TASP1: variants seen among roughly 807,000 people sequenced by gnomAD.
TASP1 encodes threonine aspartase 1.
A neutral mutation model predicts 56.6 loss-of-function variants in TASP1; 16 were observed. The observed-to-expected ratio is 0.28, with a 90% CI of 0.19 to 0.43. The LOEUF (loss-of-function observed/expected upper bound fraction) is 0.43. Ranked by LOEUF, TASP1 falls within the 20% of genes least tolerant of loss-of-function variation. The probability of loss-of-function intolerance (pLI) is 1.00; values close to 1 mark genes in which losing one functional copy is unlikely to be tolerated. For missense variants in TASP1, 393 were observed against 511.6 expected, an observed-to-expected ratio of 0.77 and a Z score of 2.24; for synonymous variants, 179 against 184.2, an observed-to-expected ratio of 0.97 and a Z score of 0.23.
chr20:13,362,750 G>A, the TASP1 span, among the ~76,000 whole-genome samples: 4 of 147,756 alleles, frequency 2.7e-5, no homozygotes, highest in African/African-American at 1.0e-4. Flanking sequence ...AAACATCAGT[G>A]GTTGCCTAGA....
chr20:13,630,504 CA>C (rs1378964028), intron 1 of TASP1, among the ~76,000 whole-genome samples: 1 of 151,784 alleles, frequency 6.6e-6, no homozygotes, highest in Non-Finnish European at 1.5e-5. Flanking sequence ...GCCTGACCAA[CA>C]TGGTGAAACC....
At chr20:13,483,494 AATTTTAGTAAAGAG>A (rs1453015375) in intron 10 of TASP1, among the ~76,000 whole-genome samples, 157 bp from the exon 11 acceptor site, 1 of 152,214 alleles carries the variant, frequency 6.6e-6, no homozygotes, top group African/African-American at 2.4e-5. Flanking sequence ...GCAATCTGGT[AATTTTAGTAAAGAG>A]ATTCAGCAGA....
chr20:13,311,318 T>A, the TASP1 span, among the ~76,000 whole-genome samples: 1 of 152,060 alleles, frequency 6.6e-6, no homozygotes, highest in South Asian at 2.1e-4. Context: ...AAAGGAGAAC[T>A]CTTGTACACT....
chr20:13,620,799 A>G (rs1197054419), intron 4 of TASP1, among the ~76,000 whole-genome samples: 1 of 152,226 alleles, frequency 6.6e-6, no homozygotes, highest in African/African-American at 2.4e-5. Context: ...AAAGGACTCA[A>G]TACTGCTACT....
the TASP1 span, among the ~76,000 whole-genome samples, chr20:13,182,093 C>T: frequency 1.2e-3 from 184 of 152,298 alleles, 1 homozygote; most frequent in Middle Eastern, 6.8e-3. Flanking sequence ...CCAGATCTCA[C>T]CTGTGGGCTT....
the TASP1 span, among the ~76,000 whole-genome samples, chr20:13,156,248 A>G: frequency 6.6e-6 from 1 of 152,244 alleles, no homozygotes; most frequent in Non-Finnish European, 1.5e-5. Context: ...TTACAATGAC[A>G]GTAGGGAGTG....
chr20:13,263,202 T>C, the TASP1 span, among the ~76,000 whole-genome samples: 14 of 152,212 alleles, frequency 9.2e-5, no homozygotes, highest in Non-Finnish European at 1.5e-4. Flanking sequence ...AGGGGAATGA[T>C]TGCCATCATA....
chr20:13,247,033 A>C, the TASP1 span, among the ~76,000 whole-genome samples: 3 of 152,142 alleles, frequency 2.0e-5, no homozygotes, highest in African/African-American at 7.2e-5. Flanking sequence ...ATCAGGAGTT[A>C]GAGACCAGTC....
chr20:13,330,967 A>G, the TASP1 span, among the ~76,000 whole-genome samples: 3,801 of 151,912 alleles, frequency 0.025, 74 homozygotes, highest in Non-Finnish European at 0.042. Context: ...GGTTTAATGG[A>G]TTTGTTGTAT....
the TASP1 span, among the ~76,000 whole-genome samples, chr20:13,273,527 C>T: frequency 6.6e-6 from 1 of 152,110 alleles, no homozygotes; most frequent in African/African-American, 2.4e-5. Context: ...TGAGTCACTG[C>T]AACTGACCTG....
At chr20:13,567,097 TA>T (rs368931596) in intron 7 of TASP1, among the ~76,000 whole-genome samples, 1 of 151,896 alleles carries the variant, frequency 6.6e-6, no homozygotes, top group African/African-American at 2.4e-5. Flanking sequence ...TATGCAGCCA[TA>T]AAAAAGAGTA....
At chr20:13,284,877 G>C in the TASP1 span, among the ~76,000 whole-genome samples, 1 of 152,218 alleles carries the variant, frequency 6.6e-6, no homozygotes, top group Non-Finnish European at 1.5e-5. Flanking sequence ...TGTGGAGAAA[G>C]CCACTTACTG....
intron 11 of TASP1, among the ~76,000 whole-genome samples, chr20:13,466,786 C>T (rs983775200): frequency 1.8e-4 from 27 of 152,100 alleles, no homozygotes; most frequent in Admixed American, 1.4e-3. Flanking sequence ...TATTCTTCAT[C>T]AGAGACTGAA....
At chr20:13,557,893 C>CA (rs986780200) in intron 8 of TASP1, among the ~76,000 whole-genome samples, 31 of 151,940 alleles carry the variant, frequency 2.0e-4, no homozygotes, top group Admixed American at 1.7e-3. Context: ...TTTAAAAAGG[C>CA]AAAAAAGTCC....
chr20:13,294,613 G>A, the TASP1 span, among the ~76,000 whole-genome samples: 1 of 152,082 alleles, frequency 6.6e-6, no homozygotes, highest in Non-Finnish European at 1.5e-5. Flanking sequence ...GAAAGAACAT[G>A]GCACACTCAA....
At chr20:13,277,988 G>A in the TASP1 span, among the ~76,000 whole-genome samples, 1 of 152,172 alleles carries the variant, frequency 6.6e-6, no homozygotes, top group African/African-American at 2.4e-5. Context: ...GCACGCCCTG[G>A]TGCAATTTGG....
the TASP1 span, among the ~76,000 whole-genome samples, chr20:13,373,435 T>G: frequency 6.7e-6 from 1 of 149,676 alleles, no homozygotes; most frequent in Non-Finnish European, 1.5e-5. Flanking sequence ...AAGGCAGGTC[T>G]GATAGCAGCA....
chr20:13,173,417 G>A, the TASP1 span, among the ~76,000 whole-genome samples: 12 of 152,230 alleles, frequency 7.9e-5, no homozygotes, highest in South Asian at 1.5e-3. Flanking sequence ...TACTTCTTGC[G>A]TCATGTCTCA....
At chr20:13,499,122 C>T (rs906449084) in intron 10 of TASP1, among the ~76,000 whole-genome samples, 15 of 151,960 alleles carry the variant, frequency 9.9e-5, no homozygotes, top group Non-Finnish European at 1.9e-4. Flanking sequence ...CTGGAAAATA[C>T]GTAAATATAA....
Sources: allele counts gnomAD v4.1 joint callset (sites outside exome capture counted in the v4.1 genomes callset), GRCh38; gene constraint gnomAD v4.1.1; transcripts MANE v1.5; gene names NCBI Gene and HGNC (gene_info 2026-07-23, HGNC 2026-07-21).